P3H4: variants seen among roughly 807,000 people sequenced by gnomAD.
The protein encoded by P3H4 is endoplasmic reticulum protein SC65.
P3H4 carries 47 observed loss-of-function variants against 52.9 expected under a neutral mutation model. The ratio of observed to expected loss-of-function variants is 0.89; its 90% CI spans 0.70 to 1.13. The LOEUF (loss-of-function observed/expected upper bound fraction) is 1.13, where lower values mean the gene tolerates loss of function less well. Among genes scored for constraint, P3H4 ranks in the 50% most tolerant of loss-of-function variants. The pLI, the probability that P3H4 is intolerant of heterozygous loss-of-function variation, is 0.00. For missense variants in P3H4, 585 were observed against 611.0 expected, an observed-to-expected ratio of 0.96 and a Z score of 0.45; for synonymous variants, 256 against 267.9, an observed-to-expected ratio of 0.96 and a Z score of 0.44.
At chr17:41,803,055 G>A in intron 7 of P3H4, 76 bp from the exon 8 acceptor site, 1 of 1,551,870 alleles carries the variant, frequency 6.4e-7, no homozygotes. Context: ...TGTCCTGATG[G>A]GAGGTGGGGT....
rs1555615048 is a variant in P3H4, at chr17:41,811,251, A to C, written c.496T>G (p.Tyr166Asp). ...NRLEKAVAAAYTFLQRNPKHE... is the reference protein window; with the variant it reads ...NRLEKAVAAADTFLQRNPKHE... ...TTCGGGTTCCTCTGGAGGAAGGTGT[A>C]GGCCGCCGCCACCGCCTTCTCCAGC... Residue 166 changes from tyrosine (Y) to aspartate (D), a missense_variant, in exon 2 of 8, where the codon TAC becomes GAC. By Grantham distance (160) the Tyr-to-Asp change is radical (BLOSUM62 -3). Coordinates refer to ENST00000393928, the MANE Select transcript of P3H4 (RefSeq NM_006455.3). The surrounding 1 kb of genome is among the most constrained non-coding windows in gnomAD (Gnocchi z 4.8). The C allele has an allele frequency of 6.2e-7, 1 of 1,613,702 alleles. No individual in the cohort carries two copies. Among genetic ancestry groups the C allele is most frequent in the South Asian group, 1.1e-5 (1 of 91,076 alleles).
Position 41,809,892 on chromosome 17 carries a change from C to T in P3H4, c.788-58G>A, listed in dbSNP as rs564434953. 36 of 1,578,732 alleles carry T rather than the reference C, an allele frequency of 2.3e-5. 1 individual carries two copies. In the South Asian group the frequency reaches 4.0e-4, roughly 18 times the overall value. ...ATTGCAATGAACATCTCCGTCCCCC[C>T]AGTGGAGAAGACTCTAAATCCAATC... On this transcript the variant is annotated intron_variant, in intron 3 of 7. Transcript: ENST00000393928.
intron 6 of P3H4, 131 bp from the exon 7 acceptor site, chr17:41,803,562 C>T (rs1205447341): frequency 3.8e-6 from 3 of 797,560 alleles, no homozygotes; most frequent in African/African-American, 3.5e-5. Flanking sequence ...TCCCCAGTCT[C>T]AAGATCTAAT....
chr17:41,803,002 C>A (rs372964827), intron 7 of P3H4, 23 bp from the exon 8 acceptor site: 2 of 1,609,224 alleles, frequency 1.2e-6, no homozygotes, highest in Non-Finnish European at 1.7e-6. Context: ...GGAGAAAGCA[C>A]TGGGGTTGCT....
chr17:41,807,380 G>A (rs1275845042), intron 5 of P3H4: 2 of 169,888 alleles, frequency 1.2e-5, no homozygotes, highest in Non-Finnish European at 2.5e-5. Context: ...GTCTTCCCAG[G>A]ACCACACAGC....
At chr17:41,805,625 A>C (rs2047666110) in intron 6 of P3H4, among the ~76,000 whole-genome samples, 1 of 152,044 alleles carries the variant, frequency 6.6e-6, no homozygotes, top group Non-Finnish European at 1.5e-5. Flanking sequence ...ATACCCGGCC[A>C]GATCTTGTGT....
intron 6 of P3H4, among the ~76,000 whole-genome samples, chr17:41,803,721 A>G (rs2047642865): frequency 6.6e-6 from 1 of 152,212 alleles, no homozygotes; most frequent in Non-Finnish European, 1.5e-5. Context: ...TTGCTAGTCC[A>G]TGCATAATAT....
In P3H4 at chr17:41,811,331, C is replaced by T; in HGVS notation, c.463-47G>A. On this transcript the variant is annotated intron_variant, in intron 1 of 7. Transcript: ENST00000393928. This position sits in a 1 kb window ranked among gnomAD's most constrained non-coding sequence, Gnocchi z 4.8. Reference sequence around the variant, plus strand: ...GGGGAGCGGGTCAGCAAGACCGGAGCTCGCGGCCCCGAGCGCACGGCGGGC... The same window carrying T: ...GGGGAGCGGGTCAGCAAGACCGGAGTTCGCGGCCCCGAGCGCACGGCGGGC... The T allele has an allele frequency of 1.2e-6, 2 of 1,609,408 alleles. No individual in the cohort carries two copies. Among genetic ancestry groups the T allele is most frequent in the Non-Finnish European group, 1.7e-6 (2 of 1,178,266 alleles).
In P3H4 at chr17:41,809,777, T is replaced by A; in HGVS notation, c.845A>T (p.Asn282Ile). 6.2e-7 allele frequency: 1 copy of A among 1,613,888 alleles called. No homozygotes were observed. The highest frequency in any genetic ancestry group is 2.2e-5 in the East Asian group (1 of 44,868). The change falls in exon 4 of 8, where the codon AAT becomes ATT. Residue 282 changes from asparagine (N) to isoleucine (I), a missense_variant. Coordinates refer to ENST00000393928, the MANE Select transcript of P3H4 (RefSeq NM_006455.3). ...KVDCEANLTP[N>I]VGGYFVDKFV... ...CTTGTCCACGAAGTAGCCACCCACA[T>A]TGGGGGTCAAATTGGCCTCACAGTC...
intron 6 of P3H4, among the ~76,000 whole-genome samples, chr17:41,804,666 A>G (rs2047654742): frequency 6.6e-6 from 1 of 150,838 alleles, no homozygotes; most frequent in Non-Finnish European, 1.5e-5. Flanking sequence ...CTCTTTATCA[A>G]GTGCTTTACA....
chr17:41,809,596 A>C (rs2047707863), intron 4 of P3H4, 110 bp downstream of exon 4: 1 of 1,303,744 alleles, frequency 7.7e-7, no homozygotes, highest in East Asian at 2.4e-5. Context: ...CCTATCACCC[A>C]GGGTCCTCAA....
chr17:41,804,556 A>T (rs2047653558), intron 6 of P3H4, among the ~76,000 whole-genome samples: 1 of 152,116 alleles, frequency 6.6e-6, no homozygotes, highest in Admixed American at 6.5e-5. Flanking sequence ...TGAACCTGGG[A>T]GGCGGAAGTT....
rs781840483 is a variant in P3H4 at position 41,808,007 on chromosome 17, G to A, written c.917-3C>T. 1 of 1,612,602 alleles carries A rather than the reference G, an allele frequency of 6.2e-7. No individual in the cohort carries two copies. Among genetic ancestry groups the A allele is most frequent in the East Asian group, 2.2e-5 (1 of 44,802 alleles). Reference sequence around the variant, plus strand: ...GGCAGCCTGGCGCACATCATTCACTGCAGCAGGACAGGGGTGAGGAATTGC... The same window carrying A: ...GGCAGCCTGGCGCACATCATTCACTACAGCAGGACAGGGGTGAGGAATTGC... On this transcript the variant is annotated splice_region_variant and splice_polypyrimidine_tract_variant and intron_variant, in intron 4 of 7. Coordinates refer to ENST00000393928, the MANE Select transcript of P3H4 (RefSeq NM_006455.3).
chr17:41,803,886 T>C (rs1385386538), intron 6 of P3H4, among the ~76,000 whole-genome samples: 1 of 151,366 alleles, frequency 6.6e-6, no homozygotes, highest in Non-Finnish European at 1.5e-5. Context: ...TGTGCTGCCC[T>C]CTCCAGCAGC....
Position 41,811,852 on chromosome 17 carries a change from T to C in P3H4, c.64A>G (p.Lys22Glu). ...GGCGGGAAGCCCCGGAAGCTGTACT[T>C]CTCGTACTGCGCCCCGGCGCTGCCC... ...LLGSAGAQYEKYSFRGFPPED... is the reference protein window; with the variant it reads ...LLGSAGAQYEEYSFRGFPPED... Residue 22 changes from lysine (K) to glutamate (E), a missense_variant, in exon 1 of 8, where the codon AAG becomes GAG. Lys to Glu is a moderately conservative substitution (Grantham distance 56, BLOSUM62 1). Coordinates refer to ENST00000393928, the MANE Select transcript of P3H4 (RefSeq NM_006455.3). This position sits in a 1 kb window ranked among gnomAD's most constrained non-coding sequence, Gnocchi z 4.8. 6.5e-7 allele frequency: 1 copy of C among 1,547,920 alleles called. No individual in the cohort carries two copies. The highest frequency in any genetic ancestry group is 1.9e-5 in the Admixed American group (1 of 53,660).
intron 6 of P3H4, among the ~76,000 whole-genome samples, chr17:41,804,990 A>G (rs1276032219): frequency 6.7e-6 from 1 of 149,684 alleles, no homozygotes; most frequent in Non-Finnish European, 1.5e-5. Context: ...AAAAAAAGAA[A>G]AATGCATACT....
At chr17:41,803,070 CT>C in intron 7 of P3H4, 91 bp from the exon 8 acceptor site, 1 of 1,509,108 alleles carries the variant, frequency 6.6e-7, no homozygotes, top group Non-Finnish European at 9.0e-7. Context: ...TGGGGTGAGG[CT>C]CCCCCGGACA....
chr17:41,803,265 C>A (rs782217024), intron 7 of P3H4, 22 bp downstream of exon 7: 4 of 1,606,638 alleles, frequency 2.5e-6, no homozygotes, highest in Non-Finnish European at 3.4e-6. Flanking sequence ...ATCCCCACCC[C>A]CCAAGGACTC....
chr17:41,806,695 C>A (rs1052012664), intron 6 of P3H4, 101 bp downstream of exon 6: 2 of 943,670 alleles, frequency 2.1e-6, no homozygotes, highest in Admixed American at 4.0e-5. Flanking sequence ...CGACAGCTGA[C>A]CACCAGGGGC....
Sources: gnomAD v4.1 joint callset for allele counts (sites outside exome capture counted in the v4.1 genomes callset) on GRCh38, gnomAD v4.1.1 for gene constraint, Gnocchi (gnomAD v3.1) non-coding constraint, MANE v1.5 for transcripts, NCBI Gene and HGNC (gene_info 2026-07-23, HGNC 2026-07-21) for gene names.